The following CASQ1 variants were observed in gnomAD, a reference collection of about 807,000 sequenced individuals.
The protein encoded by CASQ1 is calsequestrin 1, also known as calsequestrin-1.
CASQ1 carries 40 observed loss-of-function variants against 49.5 expected under a neutral mutation model. The ratio of observed to expected loss-of-function variants is 0.81; its 90% CI spans 0.63 to 1.05. The LOEUF (loss-of-function observed/expected upper bound fraction) is 1.05, where lower values mean the gene tolerates loss of function less well. Among genes scored for constraint, CASQ1 ranks in the 50% least tolerant of loss-of-function variants. CASQ1 has a pLI of 0.00. For synonymous variants in CASQ1, 174 were observed against 187.2 expected (o/e 0.93, Z 0.58); for missense variants, 469 against 486.9 (o/e 0.96, Z 0.35).
rs771323825 is a variant in CASQ1, at chr1:160,190,777, C to A, written c.26C>A (p.Pro9His). 1.1e-5 allele frequency: 17 copies of A among 1,614,102 alleles called. No individual in the cohort carries two copies. Among genetic ancestry groups the A allele is most frequent in the Admixed American group, 1.7e-5 (1 of 60,030 alleles). The stretch of plus-strand genomic sequence containing the variant: ...ATGAGTGCTACAGACAGGATGGGGC[C>A]CAGAGCTGTGCCGGGTCTGCGGCTG... MSATDRMG[P>H]RAVPGLRLAL... Residue 9 changes from proline to histidine, a missense_variant, in exon 1 of 11, where the codon CCC (proline) becomes CAC (histidine). By Grantham distance (77) the Pro-to-His change is moderately conservative (BLOSUM62 -2). Coordinates refer to ENST00000368078, the MANE Select transcript of CASQ1 (RefSeq NM_001231.5).
intron 6 of CASQ1, 28 bp downstream of exon 6, chr1:160,196,055 G>C: frequency 6.2e-7 from 1 of 1,610,984 alleles, no homozygotes; most frequent in Non-Finnish European, 8.5e-7. Context: ...CCCTCTCAGC[G>C]GGGTCGGCTC....
At chr1:160,191,277 C>T (rs951961582) in intron 1 of CASQ1, among the ~76,000 whole-genome samples, 5 of 152,064 alleles carry the variant, frequency 3.3e-5, no homozygotes, top group Admixed American at 6.6e-5. Context: ...GAAGAGCTCC[C>T]CTCCCTGCTA....
At position 160,191,019 on chromosome 1, in the gene CASQ1, C is replaced by T. The variant is rs780311434; in HGVS notation, c.268C>T (p.Leu90=). The T allele has an allele frequency of 2.4e-5, 39 of 1,613,900 alleles. No homozygotes were observed. The highest frequency in any genetic ancestry group is 3.1e-5 in the Non-Finnish European group (36 of 1,179,942). The change falls in exon 1 of 11, where the codon CTG becomes TTG. Residue 90 remains leucine, a synonymous_variant. Coordinates refer to ENST00000368078, the MANE Select transcript of CASQ1 (RefSeq NM_001231.5). ...ACAAAGACAATTTGAGATGGAGGAG[C>T]TGATCCTGGAGGTGAGTTGGGGGCA... ...ASQRQFEMEE[L]ILELAAQVLE...
chr1:160,193,676 G>C, intron 2 of CASQ1, 71 bp from the exon 3 acceptor site: 4 of 919,250 alleles, frequency 4.4e-6, no homozygotes, highest in Admixed American at 4.5e-5. Flanking sequence ...CCGAGGATTT[G>C]GACCTTGAAT....
Position 160,193,811 on chromosome 1 carries a change from G to C in CASQ1, c.429G>C (p.Glu143Asp), listed in dbSNP as rs771410439. Residue 143 changes from glutamate (E) to aspartate (D), a missense_variant, in exon 3 of 11, where the codon GAG becomes GAC. Transcript: ENST00000368078. ...ATGAAGTCATTGAGTACGATGGCGA[G>C]TTTTCTGCTGACACCATCGTGGAGT... ...KGDEVIEYDG[E>D]FSADTIVEFL... is the part of the protein sequence containing the mutation. 83 of 1,613,004 alleles carry C rather than the reference G, an allele frequency of 5.1e-5. 1 individual carries two copies. The South Asian group carries it at 9.0e-4, about 18-fold the overall frequency.
intron 1 of CASQ1, among the ~76,000 whole-genome samples, chr1:160,191,652 A>G (rs1039651489): frequency 2.0e-5 from 3 of 152,176 alleles, no homozygotes; most frequent in Non-Finnish European, 2.9e-5. Context: ...AGGTGTCAGA[A>G]TGTCTTCCCC....
Position 160,199,916 on chromosome 1 carries a change from T to C in CASQ1, c.1050T>C (p.Asn350=). Residue 350 remains asparagine (N), a synonymous_variant, in exon 10 of 11, where the codon AAT becomes AAC. Transcript: ENST00000368078. The part of the protein sequence containing the change: ...DLSAPQIGVV[N]VTDADSVWME... ...CAGCCCCACAAATAGGAGTCGTCAA[T>C]GTTACTGATGTGAGTTTCCTGTCCT... is the stretch of plus-strand genomic sequence containing the variant. The C allele has an allele frequency of 6.2e-7, 1 of 1,610,836 alleles. No individual in the cohort carries two copies. The highest frequency in any genetic ancestry group is 8.5e-7 in the Non-Finnish European group (1 of 1,177,002).
intron 1 of CASQ1, among the ~76,000 whole-genome samples, chr1:160,191,960 T>C (rs1462052244): frequency 6.6e-6 from 1 of 152,210 alleles, no homozygotes; most frequent in Non-Finnish European, 1.5e-5. Context: ...CGAGTATTTT[T>C]ATCCTGAGTG....
chr1:160,199,348 G>T (rs1215809507), intron 9 of CASQ1, among the ~76,000 whole-genome samples: 1 of 152,166 alleles, frequency 6.6e-6, no homozygotes, highest in African/African-American at 2.4e-5. Context: ...CTGCACATGG[G>T]TATACACACT....
chr1:160,197,800 C>T (rs375943668), intron 7 of CASQ1, among the ~76,000 whole-genome samples, 186 bp downstream of exon 7: 1 of 151,644 alleles, frequency 6.6e-6, no homozygotes, highest in Non-Finnish European at 1.5e-5. Context: ...GGGTGGATCA[C>T]GAGGTCAGGA....
chr1:160,193,922 C>CACACACA, intron 3 of CASQ1, 75 bp downstream of exon 3: 1 of 835,946 alleles, frequency 1.2e-6, no homozygotes, highest in South Asian at 1.3e-5. Flanking sequence ...CCAACCCCAA[C>CACACACA]CTGACACTGC....
In CASQ1 at chr1:160,198,673, A is replaced by C; in HGVS notation, c.829-4A>C. 6.2e-7 allele frequency: 1 copy of C among 1,612,374 alleles called. No individual in the cohort carries two copies. Among genetic ancestry groups the C allele is most frequent in the Non-Finnish European group, 8.5e-7 (1 of 1,178,382 alleles). On this transcript the variant is annotated splice_region_variant and splice_polypyrimidine_tract_variant and intron_variant, in intron 7 of 10. Coordinates refer to ENST00000368078, the MANE Select transcript of CASQ1 (RefSeq NM_001231.5). ...ACCCTGTTCTCCTTCTTACCCCCTGACAGGAGGATGATATGGATGGAATCC... is the reference window on the plus strand; with the variant it reads ...ACCCTGTTCTCCTTCTTACCCCCTGCCAGGAGGATGATATGGATGGAATCC...
intron 9 of CASQ1, among the ~76,000 whole-genome samples, chr1:160,199,355 C>T (rs1260864669): frequency 1.3e-5 from 2 of 152,214 alleles, no homozygotes; most frequent in African/African-American, 4.8e-5. Flanking sequence ...TGGGTATACA[C>T]ACTCAATCAT....
chr1:160,191,374 A>C (rs1240902037), intron 1 of CASQ1, among the ~76,000 whole-genome samples: 1 of 152,136 alleles, frequency 6.6e-6, no homozygotes, highest in African/African-American at 2.4e-5. Context: ...GGAGAACAGC[A>C]GTGTATATTG....
chr1:160,196,072 G>C, intron 6 of CASQ1, 45 bp downstream of exon 6: 1 of 1,598,062 alleles, frequency 6.3e-7, no homozygotes, highest in African/African-American at 1.3e-5. Flanking sequence ...GCTCCTCCTT[G>C]GGCTAGAACA....
At position 160,196,083 on chromosome 1, in the gene CASQ1, C is replaced by T. The variant is rs535608139; in HGVS notation, c.782+56C>T. On this transcript the variant is annotated intron_variant, in intron 6 of 10. Transcript: ENST00000368078. Reference sequence around the variant, plus strand: ...GTCGGCTCCTCCTTGGGCTAGAACACACTGTGTGAGATGGGCTGGGGAAAG... The same window carrying T: ...GTCGGCTCCTCCTTGGGCTAGAACATACTGTGTGAGATGGGCTGGGGAAAG... 20 of 1,574,574 alleles carry T rather than the reference C, an allele frequency of 1.3e-5. No homozygotes were observed. The African/African-American group carries it at 1.6e-4, about 13-fold the overall frequency.
In CASQ1 at chr1:160,201,846, C is replaced by T. The variant is rs1654385602; in HGVS notation, c.*470C>T. The T allele has an allele frequency of 6.3e-6, 1 of 159,806 alleles. No homozygotes were observed. The highest frequency in any genetic ancestry group is 1.4e-5 in the Non-Finnish European group (1 of 72,282). 9.9% of individuals were successfully genotyped at this position (159,806 alleles called of 1,614,324 possible). A position where few individuals can be genotyped will look rare whatever the true frequency, so the allele number is the denominator to read the frequency against. Reference sequence around the variant, plus strand: ...CAATCACTTGTTAATGTATTTGGGTCAAATGAGAGGCCTCAATAAAGACAT... The same window carrying T: ...CAATCACTTGTTAATGTATTTGGGTTAAATGAGAGGCCTCAATAAAGACAT... On this transcript the variant is annotated 3_prime_UTR_variant, in exon 11 of 11. Transcript: ENST00000368078.
chr1:160,198,742 A>G lies in CASQ1; in HGVS notation c.883+11A>G. 1 of 1,611,994 alleles carries G rather than the reference A, an allele frequency of 6.2e-7. No individual in the cohort carries two copies. The highest frequency in any genetic ancestry group is 8.5e-7 in the Non-Finnish European group (1 of 1,178,140). On this transcript the variant is annotated intron_variant, in intron 8 of 10. Transcript: ENST00000368078. The stretch of plus-strand genomic sequence containing the variant: ...AGGAAGCTGATCCTGGTGAGGGAGG[A>G]ATACCGGGTTGGACTGGAGGGAAGG...
In CASQ1 at chr1:160,199,865, G is replaced by A. The variant is rs748394305; in HGVS notation, c.999G>A (p.Trp333Ter). ...PDDFPLLVPY[W>*]EKTFDIDLSA... is the part of the protein sequence containing the mutation. ...TCTCTCTACAGCTGGTCCCATACTG[G>A]GAGAAGACGTTTGACATCGACTTGT... Residue 333 changes from tryptophan to a stop codon, truncating the protein, a stop_gained, in exon 10 of 11, where the codon TGG becomes TGA. Transcript: ENST00000368078. LOFTEE classifies it high-confidence loss of function. 6.2e-7 allele frequency: 1 copy of A among 1,612,078 alleles called. No individual in the cohort carries two copies. The highest frequency in any genetic ancestry group is 1.7e-5 in the Admixed American group (1 of 60,022).
Sources: gnomAD v4.1 joint callset for allele counts (sites outside exome capture counted in the v4.1 genomes callset) on GRCh38, gnomAD v4.1.1 for gene constraint, MANE v1.5 for transcripts, NCBI Gene and HGNC (gene_info 2026-07-23, HGNC 2026-07-21) for gene names.